Variants in PRUNE2 observed in about 807,000 individuals in gnomAD.
PRUNE2 encodes the protein protein prune homolog 2.
In PRUNE2, 164 loss-of-function variants were observed where a neutral mutation model predicts 252.0. The ratio of observed to expected loss-of-function variants is 0.65; its 90% CI spans 0.57 to 0.74. PRUNE2 has a LOEUF of 0.74. Ranked by LOEUF, PRUNE2 falls within the 30% of genes least tolerant of loss-of-function variation. The pLI, the probability that PRUNE2 is intolerant of heterozygous loss-of-function variation, is 0.00. For synonymous variants in PRUNE2, 1,292 were observed against 1,350.2 expected (o/e 0.96, Z 0.94); for missense variants, 3,495 against 3,711.0 (o/e 0.94, Z 1.51).
At position 76,706,874 on chromosome 9, in the gene PRUNE2, C is replaced by T. The variant is rs763507249; in HGVS notation, c.5400G>A (p.Trp1800Ter). 3 of 1,594,148 alleles carry T rather than the reference C, an allele frequency of 1.9e-6. No individual in the cohort carries two copies. Among genetic ancestry groups the T allele is most frequent in the Non-Finnish European group, 8.5e-7 (1 of 1,170,564 alleles). The part of the protein sequence containing the change: ...PETGTTGDVA[W>*]QISPKASFPK... ...GGAACGAAGCTTTGGGAGATATTTGCCATGCAACATCTCCTGTTGTCCCTG... is the reference window on the plus strand; with the variant it reads ...GGAACGAAGCTTTGGGAGATATTTGTCATGCAACATCTCCTGTTGTCCCTG... Residue 1800 changes from tryptophan to a stop codon, truncating the protein, a stop_gained, in exon 8 of 19, where the codon TGG becomes TGA. Coordinates refer to ENST00000376718, the MANE Select transcript of PRUNE2 (RefSeq NM_015225.3). LOFTEE classifies it high-confidence loss of function.
chr9:76,682,870 ATAGAT>A (rs2043623139), intron 9 of PRUNE2, among the ~76,000 whole-genome samples: 1 of 152,228 alleles, frequency 6.6e-6, no homozygotes, highest in Non-Finnish European at 1.5e-5. Flanking sequence ...AAAATATATA[ATAGAT>A]TACTCTAAAC....
intron 6 of PRUNE2, among the ~76,000 whole-genome samples, chr9:76,771,534 G>T (rs1353846309): frequency 1.3e-5 from 2 of 152,152 alleles, no homozygotes; most frequent in African/African-American, 4.8e-5. Flanking sequence ...CGGTGAGTCG[G>T]GGGTCAGGGA....
chr9:76,821,409 G>T (rs2058032816), intron 6 of PRUNE2, among the ~76,000 whole-genome samples: 1 of 152,128 alleles, frequency 6.6e-6, no homozygotes, highest in Non-Finnish European at 1.5e-5. Flanking sequence ...GTAGGGATTG[G>T]GAAAATACCA....
rs2046414974 is a variant in PRUNE2 at position 76,707,789 on chromosome 9, A to G, written c.4485T>C (p.Pro1495=). The change falls in exon 8 of 19, where the codon CCT becomes CCC. Residue 1495 remains proline (P), a synonymous_variant. Transcript: ENST00000376718. ...TGCTGACATGCACATCACTGTCTATAGGGACGTCCCCAAAATCAAGACTTC... is the reference window on the plus strand; with the variant it reads ...TGCTGACATGCACATCACTGTCTATGGGGACGTCCCCAAAATCAAGACTTC... The part of the protein sequence containing the change: ...VPRSLDFGDV[P]IDSDVHVSST... 3.1e-6 allele frequency: 5 copies of G among 1,613,278 alleles called. No homozygotes were observed. Among genetic ancestry groups the G allele is most frequent in the Non-Finnish European group, 4.2e-6 (5 of 1,179,618 alleles).
rs1159130893 is a variant in PRUNE2, at chr9:76,707,539, GT to G, written c.4734del (p.Glu1578AspfsTer9). Reference protein sequence around the residue: ...YQEENQGNWSEQNHQESELIT... With the variant: ...YQEENQGNWSXQNHQESELIT... ...ATTAGTTCAGATTCTTGGTGATTCT[GT>G]TCACTCCAGTTGCCTTGGTTTTCTT... is the stretch of plus-strand genomic sequence containing the variant. On this transcript the variant is annotated frameshift_variant, in exon 8 of 19. Transcript: ENST00000376718. LOFTEE classifies it high-confidence loss of function. 5 of 1,613,896 alleles carry G rather than the reference GT, an allele frequency of 3.1e-6. No homozygotes were observed. Among genetic ancestry groups the G allele is most frequent in the Admixed American group, 1.7e-5 (1 of 60,014 alleles).
At chr9:76,658,227 G>A (rs376942869) in intron 9 of PRUNE2, among the ~76,000 whole-genome samples, 11 of 152,128 alleles carry the variant, frequency 7.2e-5, no homozygotes, top group African/African-American at 2.2e-4. Flanking sequence ...GTGTGGTGGC[G>A]CATGCCTGTA....
intron 11 of PRUNE2, among the ~76,000 whole-genome samples, chr9:76,645,688 T>C (rs1844552917): frequency 6.6e-6 from 1 of 152,122 alleles, no homozygotes; most frequent in Non-Finnish European, 1.5e-5. Context: ...AAGCAGCAAT[T>C]GTTTCCATTT....
At chr9:76,620,470 A>C (rs1587697254) in intron 17 of PRUNE2, among the ~76,000 whole-genome samples, 1 of 152,150 alleles carries the variant, frequency 6.6e-6, no homozygotes, top group East Asian at 1.9e-4. Flanking sequence ...TTGACAAACA[A>C]ACACTATTCT....
At chr9:76,889,249 T>G (rs2062308191) in intron 1 of PRUNE2, among the ~76,000 whole-genome samples, 1 of 152,170 alleles carries the variant, frequency 6.6e-6, no homozygotes, top group Non-Finnish European at 1.5e-5. Context: ...ATGAAGAAAT[T>G]TTAATACATA....
intron 9 of PRUNE2, among the ~76,000 whole-genome samples, chr9:76,671,585 C>T (rs1398134961): frequency 1.3e-5 from 2 of 152,082 alleles, no homozygotes; most frequent in East Asian, 3.9e-4. Flanking sequence ...AAGAGCAACT[C>T]CAAGACACAT....
At chr9:76,880,074 C>T (rs796306240) in intron 1 of PRUNE2, among the ~76,000 whole-genome samples, 80 of 151,238 alleles carry the variant, frequency 5.3e-4, no homozygotes, top group African/African-American at 1.7e-3. Flanking sequence ...CCACCACGCC[C>T]GGCTAATTGT....
chr9:76,794,634 A>G (rs939861512), intron 6 of PRUNE2, among the ~76,000 whole-genome samples: 6 of 149,278 alleles, frequency 4.0e-5, no homozygotes, highest in Non-Finnish European at 8.9e-5. Context: ...AAAAAAAGAA[A>G]AGAAAAGAAA....
At chr9:76,700,807 T>C (rs2045816002) in intron 9 of PRUNE2, among the ~76,000 whole-genome samples, 2 of 152,064 alleles carry the variant, frequency 1.3e-5, no homozygotes, top group East Asian at 1.9e-4. Context: ...GAAACAGATA[T>C]CTCTCCTCTT....
At chr9:76,809,872 T>C (rs2057237083) in intron 6 of PRUNE2, among the ~76,000 whole-genome samples, 1 of 152,214 alleles carries the variant, frequency 6.6e-6, no homozygotes, top group South Asian at 2.1e-4. Flanking sequence ...AGTGAGTACA[T>C]GCATTCAAGC....
chr9:76,724,032 T>C (rs937112312), intron 6 of PRUNE2, among the ~76,000 whole-genome samples: 11 of 150,952 alleles, frequency 7.3e-5, no homozygotes, highest in Middle Eastern at 3.4e-3. Flanking sequence ...CCTGACCTTG[T>C]GATCTGCCCG....
In PRUNE2 at chr9:76,705,852, A is replaced by G. The variant is rs200037491; in HGVS notation, c.6422T>C (p.Ile2141Thr). Residue 2141 changes from isoleucine (I) to threonine (T), a missense_variant, in exon 8 of 19, where the codon ATA becomes ACA. By Grantham distance (89) the Ile-to-Thr change is moderately conservative. Transcript: ENST00000376718. ...SSELCLTEPE[I>T]DEEPIYEPGR... The stretch of plus-strand genomic sequence containing the variant: ...AGGCTCATAAATGGGTTCTTCATCT[A>G]TCTCTGGCTCAGTGAGACAAAGCTC... 357 of 1,613,492 alleles carry G rather than the reference A, an allele frequency of 2.2e-4. No individual in the cohort carries two copies. The highest frequency in any genetic ancestry group is 4.2e-4 in the Admixed American group (25 of 59,990).
At chr9:76,797,222 T>C (rs918139961) in intron 6 of PRUNE2, among the ~76,000 whole-genome samples, 10 of 152,124 alleles carry the variant, frequency 6.6e-5, no homozygotes, top group African/African-American at 2.2e-4. Context: ...TCATTAGTTA[T>C]AGTTTCTCTT....
At chr9:76,826,299 C>A (rs1045709225) in intron 5 of PRUNE2, among the ~76,000 whole-genome samples, 1 of 152,148 alleles carries the variant, frequency 6.6e-6, no homozygotes, top group Non-Finnish European at 1.5e-5. Flanking sequence ...CATGGTCAAG[C>A]CCTGCCTCTA....
intron 3 of PRUNE2, 56 bp downstream of exon 3, chr9:76,850,407 G>GC: frequency 1.5e-6 from 2 of 1,344,074 alleles, no homozygotes; most frequent in South Asian, 1.2e-5. Flanking sequence ...GTGACACTTT[G>GC]CCCAGTAGAA....
Sources: gnomAD v4.1 joint callset for allele counts (sites outside exome capture counted in the v4.1 genomes callset) on GRCh38, gnomAD v4.1.1 for gene constraint, MANE v1.5 for transcripts, NCBI Gene and HGNC (gene_info 2026-07-23, HGNC 2026-07-21) for gene names.